Variants in EEFSEC observed in about 807,000 individuals in gnomAD.
The protein encoded by EEFSEC is selenocysteine-specific elongation factor.
A neutral mutation model predicts 42.1 loss-of-function variants in EEFSEC; 43 were observed. The ratio of observed to expected loss-of-function variants is 1.02; its 90% CI spans 0.80 to 1.32. The LOEUF (loss-of-function observed/expected upper bound fraction) is 1.32. EEFSEC is among the 40% of genes most tolerant of loss of function. EEFSEC has a pLI of 0.00. For synonymous variants in EEFSEC, 354 were observed against 339.1 expected (o/e 1.04, Z -0.48); for missense variants, 745 against 803.6 (o/e 0.93, Z 0.88).
intron 4 of EEFSEC, among the ~76,000 whole-genome samples, chr3:128,310,352 C>T (rs1395692820): frequency 1.3e-5 from 2 of 152,256 alleles, no homozygotes; most frequent in Non-Finnish European, 2.9e-5. Flanking sequence ...GCTTTGACTG[C>T]TCCTGCCCCG....
intron 5 of EEFSEC, among the ~76,000 whole-genome samples, chr3:128,353,023 A>G (rs1197767991): frequency 6.6e-6 from 1 of 152,148 alleles, no homozygotes; most frequent in Non-Finnish European, 1.5e-5. Context: ...GTAAATCCTC[A>G]CTTAACATTG....
chr3:128,298,205 G>C (rs1322495174), intron 4 of EEFSEC, among the ~76,000 whole-genome samples: 1 of 152,160 alleles, frequency 6.6e-6, no homozygotes, highest in Non-Finnish European at 1.5e-5. Flanking sequence ...TGTCACTCAT[G>C]CTGGAATACA....
the EEFSEC span, among the ~76,000 whole-genome samples, chr3:128,420,348 A>G: frequency 6.6e-4 from 101 of 152,348 alleles, no homozygotes; most frequent in African/African-American, 2.1e-3. Context: ...TTCCTTCCTC[A>G]CTGCACATGT....
intron 6 of EEFSEC, among the ~76,000 whole-genome samples, chr3:128,386,560 A>G (rs2067840893): frequency 6.6e-6 from 1 of 152,066 alleles, no homozygotes; most frequent in Non-Finnish European, 1.5e-5. Context: ...GCCAGGCCCC[A>G]TGGCTGCTGT....
chr3:128,345,907 C>T (rs1050902377), intron 5 of EEFSEC, among the ~76,000 whole-genome samples: 1 of 152,202 alleles, frequency 6.6e-6, no homozygotes, highest in African/African-American at 2.4e-5. Context: ...GTGCATACAA[C>T]AAGATAGACA....
chr3:128,402,154 A>G (rs1029524705), intron 6 of EEFSEC, among the ~76,000 whole-genome samples: 1 of 152,206 alleles, frequency 6.6e-6, no homozygotes, highest in Admixed American at 6.5e-5. Context: ...TCACAGTAGA[A>G]GCCTTGGGAA....
At chr3:128,416,421 C>T in the EEFSEC span, among the ~76,000 whole-genome samples, 1 of 152,200 alleles carries the variant, frequency 6.6e-6, no homozygotes, top group African/African-American at 2.4e-5. Context: ...CTCAGGGTTC[C>T]CTCGCACACC....
chr3:128,232,830 GC>G (rs1487451571), intron 1 of EEFSEC, among the ~76,000 whole-genome samples: 1 of 152,182 alleles, frequency 6.6e-6, no homozygotes, highest in Non-Finnish European at 1.5e-5. Flanking sequence ...GAGCCCTGTG[GC>G]CCTACAGAGC....
chr3:128,287,924 A>T (rs1399782147), intron 4 of EEFSEC, among the ~76,000 whole-genome samples: 2 of 152,218 alleles, frequency 1.3e-5, no homozygotes, highest in South Asian at 2.1e-4. Flanking sequence ...ATTAATGATA[A>T]CATAGTATAC....
At chr3:128,348,157 T>C (rs966430343) in intron 5 of EEFSEC, among the ~76,000 whole-genome samples, 1 of 152,114 alleles carries the variant, frequency 6.6e-6, no homozygotes, top group African/African-American at 2.4e-5. Flanking sequence ...AAAACCCTAA[T>C]AGATTTTAGA....
At chr3:128,396,979 C>A (rs1195559307) in intron 6 of EEFSEC, among the ~76,000 whole-genome samples, 1 of 152,202 alleles carries the variant, frequency 6.6e-6, no homozygotes, top group Non-Finnish European at 1.5e-5. Flanking sequence ...GTGGCAAGGC[C>A]CCGCAGCCCA....
chr3:128,425,784 T>A, the EEFSEC span, among the ~76,000 whole-genome samples: 1 of 152,140 alleles, frequency 6.6e-6, no homozygotes, highest in Admixed American at 6.5e-5. Context: ...CGGGACCATC[T>A]GGCTGTTGGC....
chr3:128,372,799 C>T (rs551939667), intron 6 of EEFSEC, among the ~76,000 whole-genome samples: 59 of 152,362 alleles, frequency 3.9e-4, no homozygotes, highest in African/African-American at 1.4e-3. Context: ...AGCACAGCAG[C>T]CCTCTCTGGG....
At chr3:128,318,604 G>A (rs932263741) in intron 4 of EEFSEC, among the ~76,000 whole-genome samples, 1 of 152,222 alleles carries the variant, frequency 6.6e-6, no homozygotes, top group Non-Finnish European at 1.5e-5. Flanking sequence ...ACAGCCATTT[G>A]TAAGTCCAGC....
In EEFSEC at chr3:128,153,585, G is replaced by T; in HGVS notation, c.78G>T (p.Ala26=). The part of the protein sequence containing the change: ...IDSGKTALAR[A]LSTTASTAAF... ...GCGGCAAGACGGCGCTGGCGCGGGC[G>T]CTAAGCACCACAGCCTCCACCGCCG... The change falls in exon 1 of 7, where the codon GCG becomes GCT. Residue 26 remains alanine, a synonymous_variant. Transcript: ENST00000254730. The T allele has an allele frequency of 2.3e-5, 36 of 1,569,224 alleles. No homozygotes were observed. Among genetic ancestry groups the T allele is most frequent in the Non-Finnish European group, 3.1e-5 (36 of 1,165,168 alleles).
At position 128,343,449 on chromosome 3, in the gene EEFSEC, T is replaced by C. The variant is rs967587931; in HGVS notation, c.1443+1560T>C. ...TTCCTCAGACCCAGAGCTTGGACCC[T>C]TAGCTCCGGGGGGGCCGCTGGGGCC... On this transcript the variant is annotated intron_variant, in intron 5 of 6. Transcript: ENST00000254730. Among the ~76,000 whole-genome samples the C allele has an allele frequency of 2.6e-5, 4 of 152,142 alleles. No individual in the cohort carries two copies. In the South Asian group the frequency reaches 8.3e-4, roughly 31 times the overall value.
chr3:128,253,950 G>A (rs769799559), intron 2 of EEFSEC, among the ~76,000 whole-genome samples: 7 of 152,090 alleles, frequency 4.6e-5, no homozygotes, highest in African/African-American at 7.2e-5. Flanking sequence ...TCAGAGTTAC[G>A]TCTCTTGTCT....
intron 6 of EEFSEC, among the ~76,000 whole-genome samples, chr3:128,365,706 G>A (rs1020436053): frequency 6.6e-6 from 1 of 152,058 alleles, no homozygotes; most frequent in African/African-American, 2.4e-5. Context: ...TAGGAGCCCC[G>A]GTGCTGCATT....
At chr3:128,240,550 A>G (rs971729633) in intron 1 of EEFSEC, among the ~76,000 whole-genome samples, 1 of 152,216 alleles carries the variant, frequency 6.6e-6, no homozygotes, top group African/African-American at 2.4e-5. Context: ...TGAGGAGGAC[A>G]GGCTGGACAC....
Sources: allele counts gnomAD v4.1 joint callset (sites outside exome capture counted in the v4.1 genomes callset), GRCh38; gene constraint gnomAD v4.1.1; transcripts MANE v1.5; gene names NCBI Gene and HGNC (gene_info 2026-07-23, HGNC 2026-07-21).